Variants in SDHAF3 observed in about 807,000 individuals in gnomAD.
SDHAF3 encodes succinate dehydrogenase assembly factor 3, mitochondrial.
In SDHAF3, 18 loss-of-function variants were observed where a neutral mutation model predicts 11.5. The ratio of observed to expected loss-of-function variants is 1.56; its 90% CI spans 1.08 to 2.32. The LOEUF is 2.32. Ranked by LOEUF, SDHAF3 falls within the 30% of genes most tolerant of loss-of-function variation. The probability of loss-of-function intolerance (pLI) is 0.00; values close to 1 mark genes in which losing one functional copy is unlikely to be tolerated. For synonymous variants in SDHAF3, 72 were observed against 59.3 expected (o/e 1.21, Z -0.99); for missense variants, 200 against 154.4 (o/e 1.30, Z -1.57).
intron 1 of SDHAF3, among the ~76,000 whole-genome samples, chr7:97,118,528 C>T (rs111974787): frequency 4.1e-5 from 6 of 147,618 alleles, no homozygotes; most frequent in African/African-American, 1.0e-4. Flanking sequence ...CAGACACATG[C>T]ATTAGCAATA....
At chr7:97,154,158 G>T (rs146157813) in intron 1 of SDHAF3, among the ~76,000 whole-genome samples, 380 of 139,086 alleles carry the variant, frequency 2.7e-3, no homozygotes, top group African/African-American at 9.8e-3. Context: ...GAATTACAAA[G>T]AACCTTCTTA....
intron 1 of SDHAF3, among the ~76,000 whole-genome samples, chr7:97,155,443 A>C (rs1562827207): frequency 6.6e-6 from 1 of 152,090 alleles, no homozygotes. Context: ...TTATCCTTTT[A>C]GACTTAGCTT....
chr7:97,181,186 A>G lies in SDHAF3; in HGVS notation c.349A>G (p.Ile117Val), dbSNP rs1477437252. 6.2e-7 allele frequency: 1 copy of G among 1,613,750 alleles called. No homozygotes were observed. Among genetic ancestry groups the G allele is most frequent in the Non-Finnish European group, 8.5e-7 (1 of 1,179,864 alleles). ...CACAAAACCCAATAGGCAATTTAGTATTTCTGAGTCTATGAAACCAAAATT... is the reference window on the plus strand; with the variant it reads ...CACAAAACCCAATAGGCAATTTAGTGTTTCTGAGTCTATGAAACCAAAATT... ...EATKPNRQFS[I>V]SESMKPKF Residue 117 changes from isoleucine (I) to valine (V), a missense_variant, in exon 2 of 2, where the codon ATT becomes GTT. Physicochemically the swap from Ile to Val is conservative, Grantham distance 29. Transcript: ENST00000432641.
At chr7:97,144,307 TTTCTC>T (rs1326846302) in intron 1 of SDHAF3, among the ~76,000 whole-genome samples, 1 of 151,946 alleles carries the variant, frequency 6.6e-6, no homozygotes, top group East Asian at 1.9e-4. Context: ...TGACTGTCCT[TTTCTC>T]TTCAGTTTAA....
Position 97,117,903 on chromosome 7 carries a change from T to A in SDHAF3, c.174+6T>A, listed in dbSNP as rs1308441258. ...GTTTCTTGCAAGAATGGGAGGCAAG[T>A]GACGCTCCCTTCTCTTTGCCCAAGA... On this transcript the variant is annotated splice_donor_region_variant and intron_variant, in intron 1 of 1. Coordinates refer to ENST00000432641, the MANE Select transcript of SDHAF3 (RefSeq NM_020186.3). 6.2e-7 allele frequency: 1 copy of A among 1,613,696 alleles called. No individual in the cohort carries two copies. The highest frequency in any genetic ancestry group is 1.1e-5 in the South Asian group (1 of 91,050).
rs973783746 is a variant in SDHAF3 at position 97,160,779 on chromosome 7, G to A, written c.175-20233G>A. Among the ~76,000 whole-genome samples the A allele has an allele frequency of 2.0e-5, 3 of 152,222 alleles. No individual in the cohort carries two copies. The East Asian group carries it at 5.8e-4, about 29-fold the overall frequency. On this transcript the variant is annotated intron_variant, in intron 1 of 1. Coordinates refer to ENST00000432641, the MANE Select transcript of SDHAF3 (RefSeq NM_020186.3). ...GAACATAGAGGTGTATTGGTGGAAG[G>A]AATGACAAATGGCTGCTGAAGCCTG...
At chr7:97,166,841 G>C (rs557943561) in intron 1 of SDHAF3, among the ~76,000 whole-genome samples, 2 of 152,142 alleles carry the variant, frequency 1.3e-5, no homozygotes, top group Non-Finnish European at 2.9e-5. Flanking sequence ...GGACCTTATA[G>C]AATAGTAGAA....
intron 1 of SDHAF3, among the ~76,000 whole-genome samples, chr7:97,175,579 T>G (rs1294893387): frequency 6.6e-6 from 1 of 152,192 alleles, no homozygotes; most frequent in Admixed American, 6.5e-5. Context: ...TGTGAGCCAG[T>G]GTGCTCGACC....
At chr7:97,145,399 A>G (rs1584219804) in intron 1 of SDHAF3, among the ~76,000 whole-genome samples, 2 of 152,270 alleles carry the variant, frequency 1.3e-5, no homozygotes, top group East Asian at 1.9e-4. Flanking sequence ...ACTATTTTAT[A>G]TATATGTTTT....
At chr7:97,143,912 G>T (rs1789094928) in intron 1 of SDHAF3, among the ~76,000 whole-genome samples, 1 of 152,224 alleles carries the variant, frequency 6.6e-6, no homozygotes, top group African/African-American at 2.4e-5. Flanking sequence ...AATCTCCACA[G>T]TGTTTTCCAT....
chr7:97,158,832 T>C (rs1789351144), intron 1 of SDHAF3, among the ~76,000 whole-genome samples: 1 of 152,240 alleles, frequency 6.6e-6, no homozygotes, highest in Non-Finnish European at 1.5e-5. Flanking sequence ...ATTCTGTAGT[T>C]AATTTAAAAA....
intron 1 of SDHAF3, chr7:97,136,299 G>C (rs1245792590): frequency 2.0e-6 from 1 of 491,918 alleles, no homozygotes; most frequent in African/African-American, 1.9e-5. Flanking sequence ...GAGTTCTTTT[G>C]TGAATCCTTT....
chr7:97,164,605 C>T (rs1789473064), intron 1 of SDHAF3, among the ~76,000 whole-genome samples: 1 of 150,670 alleles, frequency 6.6e-6, no homozygotes. Flanking sequence ...GAACTCCTGA[C>T]CCTAGGTGAT....
chr7:97,119,499 TAGAA>T (rs1159230315), intron 1 of SDHAF3, among the ~76,000 whole-genome samples: 1 of 152,192 alleles, frequency 6.6e-6, no homozygotes, highest in East Asian at 1.9e-4. Flanking sequence ...ACAGAAGAGT[TAGAA>T]AGACAGTAGA....
intron 1 of SDHAF3, among the ~76,000 whole-genome samples, chr7:97,162,750 A>G (rs574101369): frequency 1.3e-5 from 2 of 152,270 alleles, no homozygotes; most frequent in East Asian, 3.9e-4. Flanking sequence ...CTGTGGTCTG[A>G]GAGACTGTTT....
rs1418398384 is a variant in SDHAF3, at chr7:97,161,623, C to G, written c.175-19389C>G. ...CTGACAGGCCCTGGTGTGTGCTGTT[C>G]CCCTCCCTGTGTACATATATTCTCC... On this transcript the variant is annotated intron_variant, in intron 1 of 1. Coordinates refer to ENST00000432641, the MANE Select transcript of SDHAF3 (RefSeq NM_020186.3). Among the ~76,000 whole-genome samples, 4 of 151,994 alleles carry G rather than the reference C, an allele frequency of 2.6e-5. 1 individual carries two copies. The highest frequency in any genetic ancestry group is 1.3e-4 in the Admixed American group (2 of 15,248).
intron 1 of SDHAF3, among the ~76,000 whole-genome samples, chr7:97,140,224 G>C (rs541871286): frequency 6.6e-6 from 1 of 151,904 alleles, no homozygotes; most frequent in African/African-American, 2.4e-5. Flanking sequence ...AAACCCTAAA[G>C]TGTCTTTCAA....
rs1329885020 is a variant in SDHAF3, at chr7:97,181,224, A to G, written c.*9A>G. The G allele has an allele frequency of 2.5e-6, 4 of 1,595,142 alleles. No homozygotes were observed. Among genetic ancestry groups the G allele is most frequent in the African/African-American group, 2.7e-5 (2 of 73,780 alleles). On this transcript the variant is annotated 3_prime_UTR_variant, in exon 2 of 2. Coordinates refer to ENST00000432641, the MANE Select transcript of SDHAF3 (RefSeq NM_020186.3). ...TGAAACCAAAATTTTAGTCTATACA[A>G]CAAAGCTTAATAAGACATGCAAAAA...
intron 1 of SDHAF3, among the ~76,000 whole-genome samples, 175 bp downstream of exon 1, chr7:97,118,072 G>A (rs1368229537): frequency 6.6e-6 from 1 of 152,166 alleles, no homozygotes; most frequent in Non-Finnish European, 1.5e-5. Flanking sequence ...TCTCACTAGA[G>A]CAGATCCTGT....
Sources: gnomAD v4.1 joint callset for allele counts (sites outside exome capture counted in the v4.1 genomes callset) on GRCh38, gnomAD v4.1.1 for gene constraint, MANE v1.5 for transcripts, NCBI Gene and HGNC (gene_info 2026-07-23, HGNC 2026-07-21) for gene names.